Variants in BNC2 observed in about 807,000 individuals in gnomAD.
BNC2 encodes the protein zinc finger protein basonuclin-2.
Under a neutral mutation model 76.3 loss-of-function variants are expected in BNC2, and 20 were observed. The ratio of observed to expected loss-of-function variants is 0.26; its 90% CI spans 0.18 to 0.38. The LOEUF (loss-of-function observed/expected upper bound fraction) is 0.38. Ranked by LOEUF, BNC2 falls within the 10% of genes least tolerant of loss-of-function variation. The pLI, the probability that BNC2 is intolerant of heterozygous loss-of-function variation, is 1.00. For synonymous variants in BNC2, 582 were observed against 514.8 expected, an observed-to-expected ratio of 1.13 and a Z score of -1.77; for missense variants, 1,382 against 1,399.8, an observed-to-expected ratio of 0.99 and a Z score of 0.20.
At position 16,806,860 on chromosome 9, in the gene BNC2, T is replaced by C. The variant is rs115084745; in HGVS notation, c.3+63786A>G. On this transcript the variant is annotated intron_variant, in intron 1 of 6. Coordinates refer to ENST00000380672, the MANE Select transcript of BNC2 (RefSeq NM_017637.6). ...AACTATCCTTGAATTAAACTGAGAATAGAAACTCTCTCCCCAGATTGCCAG... is the reference window on the plus strand; with the variant it reads ...AACTATCCTTGAATTAAACTGAGAACAGAAACTCTCTCCCCAGATTGCCAG... Among the ~76,000 whole-genome samples the C allele has an allele frequency of 6.3e-3, 952 of 152,216 alleles. 13 individuals are homozygous for C. The highest frequency in any genetic ancestry group is 0.022 in the African/African-American group (894 of 41,536).
Position 16,678,267 on chromosome 9 carries a change from C to CTTTTTTTTTTTTTTTT in BNC2, c.330+49514_330+49529dup, listed in dbSNP as rs140809930. 7.2e-4 allele frequency among the ~76,000 whole-genome samples: 58 copies of CTTTTTTTTTTTTTTTT among 80,738 alleles called. 4 individuals are homozygous for CTTTTTTTTTTTTTTTT. The highest frequency in any genetic ancestry group is 2.4e-3 in the African/African-American group (42 of 17,696). The allele number at this position is 80,738 out of a possible 152,430, so 53.0% of individuals were successfully genotyped here. On this transcript the variant is annotated intron_variant, in intron 3 of 6. Coordinates refer to ENST00000380672, the MANE Select transcript of BNC2 (RefSeq NM_017637.6). ...ACTTGTAACTGTTTTCTTTCTTTTT[C>CTTTTTTTTTTTTTTTT]TTTTTTTTTTTTTTTTTTTTTTTTT...
rs1177245426 is a variant in BNC2 at position 16,409,527 on chromosome 9, T to C, written c.*9462A>G. 1 of 152,606 alleles carries C rather than the reference T, an allele frequency of 6.6e-6. No homozygotes were observed. Among genetic ancestry groups the C allele is most frequent in the African/African-American group, 2.4e-5 (1 of 41,444 alleles). The allele number at this position is 152,606 out of a possible 1,614,324, so 9.5% of individuals were successfully genotyped here. A position where few individuals can be genotyped will look rare whatever the true frequency, so the allele number is the denominator to read the frequency against. On this transcript the variant is annotated 3_prime_UTR_variant, in exon 7 of 7. Transcript: ENST00000380672. ...ATCAGTGACTGATAAATCTTTAATA[T>C]AAAAATTGTACAAGAATTTTGATAC...
At chr9:16,755,101 A>C (rs1167840159) in intron 1 of BNC2, among the ~76,000 whole-genome samples, 1 of 152,200 alleles carries the variant, frequency 6.6e-6, no homozygotes, top group Non-Finnish European at 1.5e-5. Context: ...AATACACCAG[A>C]AAAAGGATAC....
chr9:16,506,715 G>A (rs531912442), intron 5 of BNC2, among the ~76,000 whole-genome samples: 14 of 148,396 alleles, frequency 9.4e-5, no homozygotes, highest in African/African-American at 3.5e-4. Context: ...TAGTTGAGAC[G>A]GGGTTTCACC....
chr9:16,828,992 G>C (rs1281302225), intron 1 of BNC2, among the ~76,000 whole-genome samples: 1 of 152,136 alleles, frequency 6.6e-6, no homozygotes, highest in Non-Finnish European at 1.5e-5. Context: ...GTGAGCAGGG[G>C]GGCGGCGGGG....
At chr9:16,745,978 T>C (rs10756804) in intron 1 of BNC2, among the ~76,000 whole-genome samples, 130,977 of 152,210 alleles carry the variant, frequency 0.86, 56,752 homozygotes, top group Non-Finnish European at 0.91. Context: ...AAGCCTGGGC[T>C]CCTTGGCTTC....
rs1337944859 is a variant in BNC2 at position 16,413,468 on chromosome 9, T to C, written c.*5521A>G. 6.6e-6 allele frequency: 1 copy of C among 152,020 alleles called. No individual in the cohort carries two copies. Among genetic ancestry groups the C allele is most frequent in the Non-Finnish European group, 1.5e-5 (1 of 68,016 alleles). The allele number at this position is 152,020 out of a possible 1,614,324, so 9.4% of individuals were successfully genotyped here. On this transcript the variant is annotated 3_prime_UTR_variant, in exon 7 of 7. Transcript: ENST00000380672. The stretch of plus-strand genomic sequence containing the variant: ...AAAAGCATTTGGATTTTTCAACAAA[T>C]GCCAAAAAGACAGTATGCCGAATAA...
intron 5 of BNC2, among the ~76,000 whole-genome samples, chr9:16,505,444 A>G (rs879642008): frequency 1.1e-4 from 17 of 152,232 alleles, no homozygotes; most frequent in East Asian, 3.8e-4. Flanking sequence ...GTGAAAACAC[A>G]TAACTTTGAT....
intron 5 of BNC2, among the ~76,000 whole-genome samples, chr9:16,456,923 A>T (rs990235924): frequency 6.6e-6 from 1 of 152,198 alleles, no homozygotes; most frequent in African/African-American, 2.4e-5. Context: ...CTGTCACTTT[A>T]TCAGTAAGAA....
In BNC2 at chr9:16,859,986, G is replaced by T. The variant is rs1169880349; in HGVS notation, c.3+10660C>A. ...AATACAAAAAAATTAGCCAGTCATGGTGCCATGTGCCTGTAATCCCAGCTA... is the reference window on the plus strand; with the variant it reads ...AATACAAAAAAATTAGCCAGTCATGTTGCCATGTGCCTGTAATCCCAGCTA... On this transcript the variant is annotated intron_variant, in intron 1 of 6. Coordinates refer to ENST00000380672, the MANE Select transcript of BNC2 (RefSeq NM_017637.6). Among the ~76,000 whole-genome samples, 4 of 152,128 alleles carry T rather than the reference G, an allele frequency of 2.6e-5. No individual in the cohort carries two copies. The East Asian group carries it at 7.7e-4, about 29-fold the overall frequency.
intron 3 of BNC2, among the ~76,000 whole-genome samples, chr9:16,590,658 T>G (rs1440158247): frequency 1.3e-5 from 2 of 151,950 alleles, no homozygotes; most frequent in African/African-American, 4.8e-5. Flanking sequence ...ATATGAAAAA[T>G]TCGCCGGGCG....
chr9:16,430,499 A>G (rs573594340), intron 6 of BNC2, among the ~76,000 whole-genome samples: 4 of 152,222 alleles, frequency 2.6e-5, no homozygotes, highest in South Asian at 4.1e-4. Flanking sequence ...AAAGTTCTGT[A>G]TAAGTTTCCA....
intron 5 of BNC2, among the ~76,000 whole-genome samples, chr9:16,454,439 T>A (rs1216874283): frequency 6.6e-6 from 1 of 152,194 alleles, no homozygotes; most frequent in Non-Finnish European, 1.5e-5. Context: ...TAGCTAGGAC[T>A]ACAGGCATGT....
intron 3 of BNC2, among the ~76,000 whole-genome samples, chr9:16,656,615 A>G (rs1412427344): frequency 1.3e-5 from 2 of 152,208 alleles, no homozygotes; most frequent in Non-Finnish European, 2.9e-5. Flanking sequence ...CCAGAATAAT[A>G]AACATATTCA....
At chr9:16,640,737 T>C (rs1488883321) in intron 3 of BNC2, among the ~76,000 whole-genome samples, 1 of 152,150 alleles carries the variant, frequency 6.6e-6, no homozygotes, top group Non-Finnish European at 1.5e-5. Flanking sequence ...ACAGGAGGCA[T>C]CAAATTTGTA....
rs573202888 is a variant in BNC2, at chr9:16,432,883, G to A, written c.2639+2672C>T. ...AGGAGATAAAATTCCTGGGGTTCTC[G>A]TGACTAACAAAGTAAAAGTGAAGAG... On this transcript the variant is annotated intron_variant, in intron 6 of 6. Transcript: ENST00000380672. 9.8e-4 allele frequency among the ~76,000 whole-genome samples: 150 copies of A among 152,288 alleles called. 2 individuals carry two copies. In the Middle Eastern group the frequency reaches 0.017, roughly 17 times the overall value.
chr9:16,748,168 A>C (rs1261133794), intron 1 of BNC2, among the ~76,000 whole-genome samples: 1 of 152,194 alleles, frequency 6.6e-6, no homozygotes, highest in East Asian at 1.9e-4. Flanking sequence ...CTGAGGAGGT[A>C]ACAAATACTT....
intron 3 of BNC2, among the ~76,000 whole-genome samples, chr9:16,675,564 A>C (rs1238632506): frequency 1.3e-5 from 2 of 152,212 alleles, no homozygotes; most frequent in Non-Finnish European, 2.9e-5. Context: ...TGCCTGGCCT[A>C]ATTTTCGAAG....
intron 5 of BNC2, among the ~76,000 whole-genome samples, chr9:16,480,190 C>G (rs944114018): frequency 2.6e-5 from 4 of 152,192 alleles, no homozygotes; most frequent in Non-Finnish European, 5.9e-5. Flanking sequence ...TCACAAGTGG[C>G]AGAAATGGGA....
Sources: allele counts gnomAD v4.1 joint callset (sites outside exome capture counted in the v4.1 genomes callset), GRCh38; gene constraint gnomAD v4.1.1; transcripts MANE v1.5; gene names NCBI Gene and HGNC (gene_info 2026-07-23, HGNC 2026-07-21).